ZFX: variants seen among roughly 807,000 people sequenced by gnomAD.
The protein encoded by ZFX is zinc finger protein X-linked.
For missense variants in ZFX, 362 were observed against 628.3 expected (o/e 0.58, Z 4.53); for synonymous variants, 196 against 226.8 (o/e 0.86, Z 1.22).
At chrX:24,149,306 G>A (rs920026243), upstream of ZFX, 4 of 109,922 alleles carry the variant, frequency 3.6e-5, no homozygotes, top group African/African-American at 9.9e-5. Context: ...GGGACATGGT[G>A]GGGGGCGGCC....
intron 5 of ZFX, among the ~76,000 whole-genome samples, chrX:24,203,376 A>G (rs1187851263): frequency 1.8e-5 from 2 of 112,195 alleles, no homozygotes; most frequent in Non-Finnish European, 3.8e-5. Context: ...CACCTGACTT[A>G]GTCACTGCTC....
In ZFX at chrX:24,211,617, G is replaced by A; in HGVS notation, c.*241G>A. 2.7e-6 allele frequency: 1 copy of A among 370,141 alleles called. No individual in the cohort carries two copies. The highest frequency in any genetic ancestry group is 4.6e-6 in the Non-Finnish European group (1 of 217,203). The allele number at this position is 370,141 out of a possible 1,213,427, so 30.5% of individuals were successfully genotyped here. ...CAACATGCTAGTTACTTTTAATAAA[G>A]TAATCCCTGATTCTATACCGAAGTT... On this transcript the variant is annotated 3_prime_UTR_variant, in exon 10 of 10. Coordinates refer to ENST00000304543, the MANE Select transcript of ZFX (RefSeq NM_003410.4).
intron 5 of ZFX, among the ~76,000 whole-genome samples, chrX:24,189,978 C>T (rs1454194395): frequency 8.9e-6 from 1 of 112,157 alleles, no homozygotes; most frequent in Non-Finnish European, 1.9e-5. Flanking sequence ...TATATATCTA[C>T]ATGGGAATAT....
chrX:24,188,744 G>A (rs1049360102), intron 5 of ZFX, among the ~76,000 whole-genome samples: 5 of 112,169 alleles, frequency 4.5e-5, no homozygotes, highest in Admixed American at 9.5e-5. Flanking sequence ...CAGGGCAGGC[G>A]CAAGGTAAGA....
chrX:24,161,312 C>T (rs1440350752), intron 3 of ZFX, among the ~76,000 whole-genome samples: 3 of 112,164 alleles, frequency 2.7e-5, no homozygotes, highest in African/African-American at 9.7e-5. Flanking sequence ...TTGATACATA[C>T]AGAAATTCAG....
chrX:24,197,131 A>G (rs1936975688), intron 5 of ZFX, among the ~76,000 whole-genome samples: 1 of 112,011 alleles, frequency 8.9e-6, no homozygotes, highest in African/African-American at 3.2e-5. Flanking sequence ...GTTAGCACTG[A>G]TCTGCAGGCT....
At chrX:24,203,156 T>G (rs1937410397) in intron 5 of ZFX, among the ~76,000 whole-genome samples, 2 of 111,924 alleles carry the variant, frequency 1.8e-5, no homozygotes, top group Admixed American at 9.5e-5. Context: ...ATCCTTGGCT[T>G]CTTCGTCATG....
At chrX:24,156,125 G>C (rs775621716) in intron 3 of ZFX, among the ~76,000 whole-genome samples, 1 of 112,034 alleles carries the variant, frequency 8.9e-6, no homozygotes, top group South Asian at 3.7e-4. Flanking sequence ...TCGAACTCCT[G>C]ACCTCAAGTG....
chrX:24,150,480 C>G (rs1931941492), intron 1 of ZFX: 1 of 112,904 alleles, frequency 8.9e-6, no homozygotes, highest in African/African-American at 3.2e-5. Context: ...GGCGGCAGCG[C>G]CACCTTCCTG....
At chrX:24,180,622 A>G (rs113558969) in intron 5 of ZFX, among the ~76,000 whole-genome samples, 1 of 111,505 alleles carries the variant, frequency 9.0e-6, no homozygotes, top group Admixed American at 9.6e-5. Context: ...AGCTCAGGCA[A>G]TCCGCCTGCC....
chrX:24,185,096 C>A lies in ZFX; in HGVS notation c.646+5326C>A, dbSNP rs148646204. On this transcript the variant is annotated intron_variant, in intron 5 of 9. Coordinates refer to ENST00000304543, the MANE Select transcript of ZFX (RefSeq NM_003410.4). ...CCTCCCGAGTAGTTGGGATGACAGG[C>A]ATGTGCCACCACACCCGCCTAATTT... is the stretch of plus-strand genomic sequence containing the variant. 9.4e-3 allele frequency among the ~76,000 whole-genome samples: 1,051 copies of A among 112,137 alleles called. 16 individuals are homozygous for A. The highest frequency in any genetic ancestry group is 0.031 in the African/African-American group (970 of 30,842).
rs1281280405 is a variant in ZFX at position 24,181,889 on chromosome X, T to A, written c.646+2119T>A. ...ATGATCCTTGTATGTGGAATAAGAC[T>A]TAAGTGAGGGAGAGATTAGTGGCAG... On this transcript the variant is annotated intron_variant, in intron 5 of 9. Coordinates refer to ENST00000304543, the MANE Select transcript of ZFX (RefSeq NM_003410.4). Among the ~76,000 whole-genome samples the A allele has an allele frequency of 9.8e-5, 11 of 111,707 alleles. No homozygotes were observed. In the Admixed American group the frequency reaches 1.1e-3, roughly 11 times the overall value.
intron 3 of ZFX, among the ~76,000 whole-genome samples, chrX:24,157,069 G>C (rs1932834933): frequency 8.9e-6 from 1 of 112,112 alleles, no homozygotes; most frequent in African/African-American, 3.2e-5. Flanking sequence ...TGTGAAAACT[G>C]TTGGATTTTT....
At chrX:24,208,134 T>C in intron 7 of ZFX, 84 bp from the exon 8 acceptor site, 1 of 1,116,805 alleles carries the variant, frequency 9.0e-7, no homozygotes, top group Non-Finnish European at 1.2e-6. Context: ...TTCCATTTTG[T>C]CTATTAACTG....
intron 4 of ZFX, 153 bp downstream of exon 4, chrX:24,172,953 C>T (rs953052856): frequency 2.2e-5 from 10 of 463,745 alleles, no homozygotes; most frequent in Admixed American, 1.5e-4. Flanking sequence ...TTATTATTAC[C>T]CTCCTCAAAG....
chrX:24,210,955 T>C lies in ZFX; in HGVS notation c.1997T>C (p.Met666Thr). The part of the protein sequence containing the change: ...HTKDYPHKCD[M>T]CDKGFHRPSE... ...AAAGACTACCCCCATAAGTGTGACA[T>C]GTGTGATAAAGGCTTTCACAGGCCT... Residue 666 changes from methionine (M) to threonine (T), a missense_variant, in exon 10 of 10, where the codon ATG becomes ACG. By Grantham distance (81) the Met-to-Thr change is moderately conservative. Transcript: ENST00000304543. 1 of 1,211,622 alleles carries C rather than the reference T, an allele frequency of 8.3e-7. No homozygotes were observed.
At chrX:24,155,742 T>C (rs1490832381) in intron 3 of ZFX, among the ~76,000 whole-genome samples, 2 of 112,601 alleles carry the variant, frequency 1.8e-5, no homozygotes, top group South Asian at 3.6e-4. Flanking sequence ...CCTTGCTATT[T>C]TCATTTTGCA....
Position 24,179,575 on chromosome X carries a change from G to A in ZFX, c.451G>A (p.Gly151Arg). Residue 151 changes from glycine to arginine, a missense_variant, in exon 5 of 10, where the codon GGA (glycine) becomes AGA (arginine). By Grantham distance (125) the Gly-to-Arg change is moderately radical. Coordinates refer to ENST00000304543, the MANE Select transcript of ZFX (RefSeq NM_003410.4). Reference protein sequence around the residue: ...VSDVGHVGHVGHVEHVVHDSV... With the variant: ...VSDVGHVGHVRHVEHVVHDSV... ...TGACGTTGGACATGTTGGACATGTTGGACATGTTGAACATGTGGTTCATGA... is the reference window on the plus strand; with the variant it reads ...TGACGTTGGACATGTTGGACATGTTAGACATGTTGAACATGTGGTTCATGA... The A allele has an allele frequency of 8.3e-7, 1 of 1,212,034 alleles. No homozygotes were observed. The highest frequency in any genetic ancestry group is 1.1e-6 in the Non-Finnish European group (1 of 895,596).
chrX:24,209,153 G>C, intron 9 of ZFX, 113 bp downstream of exon 9: 4 of 1,037,313 alleles, frequency 3.9e-6, no homozygotes, highest in Non-Finnish European at 5.2e-6. Context: ...ACCATATATA[G>C]CTTTGTCTAT....
Sources: allele counts gnomAD v4.1 joint callset (sites outside exome capture counted in the v4.1 genomes callset), GRCh38; gene constraint gnomAD v4.1.1; transcripts MANE v1.5; gene names NCBI Gene and HGNC (gene_info 2026-07-23, HGNC 2026-07-21).